The following SMARCC1 variants were observed in gnomAD, a reference collection of about 807,000 sequenced individuals.
SMARCC1 encodes the protein SWI/SNF complex subunit SMARCC1.
In SMARCC1, 43 loss-of-function variants were observed where a neutral mutation model predicts 147.4. The observed-to-expected ratio is 0.29, with a 90% CI of 0.23 to 0.38. SMARCC1 has a LOEUF of 0.38. Ranked by LOEUF, SMARCC1 falls within the 10% of genes least tolerant of loss-of-function variation. The pLI is 1.00. For synonymous variants in SMARCC1, 495 were observed against 484.4 expected, an observed-to-expected ratio of 1.02 and a Z score of -0.29; for missense variants, 1,119 against 1,381.1, an observed-to-expected ratio of 0.81 and a Z score of 3.01.
At chr3:47,663,492 T>C in intron 19 of SMARCC1, 1 of 640,580 alleles carries the variant, frequency 1.6e-6, no homozygotes, top group Non-Finnish European at 2.7e-6. Flanking sequence ...ACATCTGTAC[T>C]CCCAGCTACT....
At chr3:47,716,934 A>G (rs941312810) in intron 7 of SMARCC1, among the ~76,000 whole-genome samples, 1 of 152,174 alleles carries the variant, frequency 6.6e-6, no homozygotes, top group Non-Finnish European at 1.5e-5. Flanking sequence ...ACATATTTTT[A>G]AAAAGTAAAA....
At chr3:47,713,108 G>C (rs994744407) in intron 8 of SMARCC1, among the ~76,000 whole-genome samples, 2 of 151,980 alleles carry the variant, frequency 1.3e-5, no homozygotes, top group African/African-American at 4.8e-5. Flanking sequence ...AGATCACAAG[G>C]TCAGGAGATC....
chr3:47,600,998 T>TGAGAGAGATAGAGAGAGAGAGA (rs2032373590), intron 26 of SMARCC1, among the ~76,000 whole-genome samples: 3 of 85,200 alleles, frequency 3.5e-5, no homozygotes, highest in African/African-American at 1.5e-4. Context: ...AGGAAGAAAA[T>TGAGAGAGATAGAGAGAGAGAGA]GAGAGAGAGA....
chr3:47,675,918 C>T (rs1014331263), intron 17 of SMARCC1, among the ~76,000 whole-genome samples: 7 of 149,278 alleles, frequency 4.7e-5, no homozygotes, highest in East Asian at 2.0e-4. Flanking sequence ...GCACTCCAGC[C>T]GGGGGAACAG....
chr3:47,598,595 T>G (rs1371205216), intron 26 of SMARCC1, among the ~76,000 whole-genome samples: 1 of 151,928 alleles, frequency 6.6e-6, no homozygotes, highest in African/African-American at 2.4e-5. Context: ...TTTGGGAGGC[T>G]GAGGTGGGTG....
intron 2 of SMARCC1, among the ~76,000 whole-genome samples, chr3:47,761,588 T>C (rs1014303578): frequency 6.6e-6 from 1 of 152,168 alleles, no homozygotes; most frequent in Admixed American, 6.6e-5. Flanking sequence ...TGATGGATGA[T>C]GACAACTCAA....
At chr3:47,741,171 A>G (rs2034505307) in intron 3 of SMARCC1, among the ~76,000 whole-genome samples, 2 of 151,966 alleles carry the variant, frequency 1.3e-5, no homozygotes, top group African/African-American at 4.8e-5. Flanking sequence ...ATCCTACGAG[A>G]CAACTGTTTC....
rs762147304 is a variant in SMARCC1, at chr3:47,678,302, T to C, written c.1467A>G (p.Ala489=). 1.3e-6 allele frequency: 2 copies of C among 1,576,602 alleles called. No homozygotes were observed. Among genetic ancestry groups the C allele is most frequent in the Admixed American group, 1.8e-5 (1 of 55,814 alleles). ...NKSKTPEIYL[A]YRNFMIDTYR... is the part of the protein sequence containing the mutation. ...ACGTGTCAATCATAAAATTTCGATA[T>C]GCCAAGTATCTAAAAAGCAATGGCA... Residue 489 remains alanine, a synonymous_variant, in exon 16 of 28, where the codon GCA becomes GCG. Coordinates refer to ENST00000254480, the MANE Select transcript of SMARCC1 (RefSeq NM_003074.4).
chr3:47,604,649 C>T, intron 26 of SMARCC1: 1 of 172,992 alleles, frequency 5.8e-6, no homozygotes, highest in Admixed American at 6.0e-5. Flanking sequence ...CTAGAACCAG[C>T]TTTTTCTGAA....
chr3:47,738,495 C>A (rs2034471450), intron 3 of SMARCC1, among the ~76,000 whole-genome samples: 1 of 152,088 alleles, frequency 6.6e-6, no homozygotes, highest in Non-Finnish European at 1.5e-5. Context: ...ACCAGCCTGG[C>A]CAACGTGGTG....
intron 6 of SMARCC1, among the ~76,000 whole-genome samples, chr3:47,724,528 G>GC (rs2034275300): frequency 1.3e-5 from 2 of 152,154 alleles, no homozygotes; most frequent in Non-Finnish European, 2.9e-5. Flanking sequence ...TTTGAATGTA[G>GC]CCCAACACAA....
At chr3:47,638,360 T>C (rs1000917390) in intron 22 of SMARCC1, among the ~76,000 whole-genome samples, 6 of 152,212 alleles carry the variant, frequency 3.9e-5, no homozygotes, top group Admixed American at 2.6e-4. Flanking sequence ...CCCAAAGTGC[T>C]GGAATTACGG....
chr3:47,602,693 T>A (rs577519346), intron 26 of SMARCC1, among the ~76,000 whole-genome samples: 1 of 152,338 alleles, frequency 6.6e-6, no homozygotes, highest in East Asian at 1.9e-4. Flanking sequence ...CTTCCAAAAA[T>A]TCTTCCACTA....
At chr3:47,691,013 T>G (rs980076283) in intron 12 of SMARCC1, among the ~76,000 whole-genome samples, 1 of 152,210 alleles carries the variant, frequency 6.6e-6, no homozygotes, top group Non-Finnish European at 1.5e-5. Context: ...ACTGTTAGTT[T>G]GACTTAATAA....
chr3:47,641,898 AGT>A (rs1022247788), intron 21 of SMARCC1, among the ~76,000 whole-genome samples: 3 of 152,080 alleles, frequency 2.0e-5, no homozygotes, highest in Admixed American at 1.3e-4. Flanking sequence ...CAGCCTCTTG[AGT>A]AGCTGGGATT....
chr3:47,601,030 A>AGAGAGAGG, intron 26 of SMARCC1, among the ~76,000 whole-genome samples: 1 of 150,650 alleles, frequency 6.6e-6, no homozygotes, highest in Non-Finnish European at 1.5e-5. Context: ...AGAGAGAGAG[A>AGAGAGAGG]GAGAGAGAGA....
At chr3:47,761,126 C>CT (rs1419630426) in intron 2 of SMARCC1, among the ~76,000 whole-genome samples, 1 of 128,866 alleles carries the variant, frequency 7.8e-6, no homozygotes, top group African/African-American at 2.8e-5. Flanking sequence ...GAGCAAGACT[C>CT]TGTCTAAAAA....
At chr3:47,589,193 G>A (rs1376009707) in intron 27 of SMARCC1, among the ~76,000 whole-genome samples, 1 of 152,184 alleles carries the variant, frequency 6.6e-6, no homozygotes, top group Admixed American at 6.5e-5. Flanking sequence ...CTGAAGTGGA[G>A]AAGCAACTCA....
At chr3:47,733,970 C>T (rs560330244) in intron 5 of SMARCC1, among the ~76,000 whole-genome samples, 10 of 150,098 alleles carry the variant, frequency 6.7e-5, no homozygotes, top group South Asian at 2.1e-4. Context: ...CATATATGTA[C>T]GTGTGTGTAT....
Sources: gnomAD v4.1 joint callset for allele counts (sites outside exome capture counted in the v4.1 genomes callset) on GRCh38, gnomAD v4.1.1 for gene constraint, MANE v1.5 for transcripts, NCBI Gene and HGNC (gene_info 2026-07-23, HGNC 2026-07-21) for gene names.